Variants in RIMS2 observed in about 807,000 individuals in gnomAD.
RIMS2 encodes regulating synaptic membrane exocytosis protein 2.
RIMS2 carries 59 observed loss-of-function variants against 174.4 expected under a neutral mutation model. That is an observed-to-expected ratio of 0.34 (90% CI 0.27 to 0.42). The LOEUF (loss-of-function observed/expected upper bound fraction) is 0.42, where lower values mean the gene tolerates loss of function less well. RIMS2 is among the 10% of genes least tolerant of loss of function. RIMS2 has a pLI of 1.00. For missense variants in RIMS2, 1,620 were observed against 1,666.3 expected (o/e 0.97, Z 0.48); for synonymous variants, 606 against 572.5 (o/e 1.06, Z -0.84).
intron 19 of RIMS2, among the ~76,000 whole-genome samples, chr8:104,103,201 T>A (rs2097943159): frequency 6.6e-6 from 1 of 150,404 alleles, no homozygotes; most frequent in Admixed American, 6.6e-5. Context: ...AAAAAAAAAG[T>A]AGATTACTTG....
At chr8:103,727,613 C>T (rs192865719) in intron 2 of RIMS2, among the ~76,000 whole-genome samples, 179 of 152,198 alleles carry the variant, frequency 1.2e-3, no homozygotes, top group African/African-American at 4.1e-3. Context: ...GGATATAAGT[C>T]TTTTGGCAAG....
chr8:104,223,550 T>C (rs998566576), intron 19 of RIMS2: 36 of 1,432,608 alleles, frequency 2.5e-5, no homozygotes, highest in South Asian at 2.9e-5. Context: ...GGCACCAACC[T>C]GGCTTCTGGC....
At position 103,780,914 on chromosome 8, in the gene RIMS2, A is replaced by AT. The variant is rs1022012307; in HGVS notation, c.698+14387dup. ...GAGATTCTTTTTAGTTTACCTGTTG[A>AT]TTTTTTTTTTCTAGGTTGCTGCCTT... On this transcript the variant is annotated intron_variant, in intron 3 of 23. Coordinates refer to ENST00000504942, the Ensembl canonical transcript of RIMS2. 4.9e-3 allele frequency among the ~76,000 whole-genome samples: 721 copies of AT among 146,644 alleles called. 4 individuals are homozygous for AT. Among genetic ancestry groups the AT allele is most frequent in the African/African-American group, 0.017 (662 of 39,984 alleles).
intron 2 of RIMS2, among the ~76,000 whole-genome samples, chr8:103,703,155 A>AT (rs991619747): frequency 1.5e-4 from 23 of 149,434 alleles, no homozygotes; most frequent in African/African-American, 2.5e-4. Context: ...TAATTTTTTG[A>AT]TTTTTTTTGT....
At position 104,021,801 on chromosome 8, in the gene RIMS2, A is replaced by T. The variant is rs1444980357; in HGVS notation, c.3334+7186A>T. Among the ~76,000 whole-genome samples, 12 of 149,092 alleles carry T rather than the reference A, an allele frequency of 8.0e-5. No homozygotes were observed. In the East Asian group the frequency reaches 1.7e-3, roughly 22 times the overall value. ...AAAACCAGTTCATTAAGACAGTGGT[A>T]CTGCAGGCAGAATAACGAGTTAGAG... On this transcript the variant is annotated intron_variant, in intron 19 of 23. Coordinates refer to ENST00000504942, the Ensembl canonical transcript of RIMS2.
At chr8:104,079,597 TGATATATATA>T (rs1173261136) in intron 19 of RIMS2, among the ~76,000 whole-genome samples, 3 of 51,716 alleles carry the variant, frequency 5.8e-5, no homozygotes, top group Non-Finnish European at 7.9e-5. Flanking sequence ...GGATTAAGCA[TGATATATATA>T]TATATATATA....
rs1019192744 is a variant in RIMS2 at position 103,993,404 on chromosome 8, A to G, written c.3044+3983A>G. On this transcript the variant is annotated intron_variant, in intron 17 of 23. Transcript: ENST00000504942. Reference sequence around the variant, plus strand: ...TATATTCTAAAAAGGAAAATGCCCTATTATATGGACCACTGGCATACCTTA... The same window carrying G: ...TATATTCTAAAAAGGAAAATGCCCTGTTATATGGACCACTGGCATACCTTA... Among the ~76,000 whole-genome samples, 5 of 152,276 alleles carry G rather than the reference A, an allele frequency of 3.3e-5. 1 individual carries two copies. The Middle Eastern group carries it at 0.01, about 311-fold the overall frequency.
chr8:104,107,971 C>CG (rs1250267925), intron 19 of RIMS2, among the ~76,000 whole-genome samples: 3 of 150,124 alleles, frequency 2.0e-5, no homozygotes, highest in Admixed American at 2.0e-4. Flanking sequence ...TCCCCTGCCC[C>CG]CCCCCCACAA....
exon 3 of RIMS2, chr8:103,766,526 A>G: frequency 6.2e-7 from 1 of 1,605,632 alleles, no homozygotes; most frequent in Non-Finnish European, 8.5e-7. Context: ...CCAGTGACAT[A>G]GCTTCAGACA....
chr8:104,093,004 T>G (rs1173387308), intron 19 of RIMS2, among the ~76,000 whole-genome samples: 2 of 152,004 alleles, frequency 1.3e-5, no homozygotes, highest in African/African-American at 2.4e-5. Context: ...CACTCTGAAA[T>G]TAAACTTTCT....
At chr8:103,741,902 C>T (rs1022001899) in intron 2 of RIMS2, among the ~76,000 whole-genome samples, 5 of 152,010 alleles carry the variant, frequency 3.3e-5, no homozygotes, top group African/African-American at 9.6e-5. Flanking sequence ...CTTTACTTTG[C>T]GATTTAAATA....
At chr8:103,513,056 C>G (rs577557424) in intron 1 of RIMS2, among the ~76,000 whole-genome samples, 1 of 152,240 alleles carries the variant, frequency 6.6e-6, no homozygotes, top group South Asian at 2.1e-4. Flanking sequence ...GGGCTGCTGT[C>G]CAGGTCATGT....
At chr8:103,863,175 G>A (rs1345266524) in intron 3 of RIMS2, among the ~76,000 whole-genome samples, 3 of 152,114 alleles carry the variant, frequency 2.0e-5, no homozygotes, top group Admixed American at 6.5e-5. Flanking sequence ...TTATCATGAA[G>A]GGATGTTGGA....
intron 14 of RIMS2, among the ~76,000 whole-genome samples, chr8:103,952,007 CCCACCACAGCTCAGCAAGG>C (rs1374845776): frequency 6.6e-6 from 1 of 152,198 alleles, no homozygotes; most frequent in African/African-American, 2.4e-5. Flanking sequence ...CTGGGTGGAG[CCCACCACAGCTCAGCAAGG>C]CCACTGTGGC....
chr8:103,655,754 A>G (rs2096523109), intron 1 of RIMS2, among the ~76,000 whole-genome samples: 1 of 152,096 alleles, frequency 6.6e-6, no homozygotes, highest in Admixed American at 6.6e-5. Context: ...AAAGAAGACC[A>G]AGATGGGTGT....
At chr8:103,552,805 C>G (rs2131645762) in intron 1 of RIMS2, among the ~76,000 whole-genome samples, 1 of 152,296 alleles carries the variant, frequency 6.6e-6, no homozygotes, top group African/African-American at 2.4e-5. Flanking sequence ...AGACACTTCT[C>G]AAAAGAAGAC....
chr8:103,922,661 T>C (rs950523149), intron 10 of RIMS2: 2 of 400,406 alleles, frequency 5.0e-6, no homozygotes. Context: ...AAAAACTAAA[T>C]TATTTGAGGC....
chr8:103,512,148 T>C (rs986803778), intron 1 of RIMS2, among the ~76,000 whole-genome samples: 2 of 152,160 alleles, frequency 1.3e-5, no homozygotes, highest in Admixed American at 1.3e-4. Context: ...GTCTATAAGC[T>C]ACTGGCAACC....
intron 3 of RIMS2, among the ~76,000 whole-genome samples, chr8:103,809,882 G>C (rs746155419): frequency 1.4e-4 from 22 of 152,142 alleles, no homozygotes; most frequent in Non-Finnish European, 2.9e-4. Flanking sequence ...CACAGGTAGG[G>C]TAAAAAATCC....
Sources: gnomAD v4.1 joint callset for allele counts (sites outside exome capture counted in the v4.1 genomes callset) on GRCh38, gnomAD v4.1.1 for gene constraint, MANE v1.5 for transcripts, NCBI Gene and HGNC (gene_info 2026-07-23, HGNC 2026-07-21) for gene names.